Variants in BAZ1B observed in about 807,000 individuals in gnomAD.
BAZ1B encodes the protein tyrosine-protein kinase BAZ1B.
Under a neutral mutation model 153.8 loss-of-function variants are expected in BAZ1B, and 22 were observed. The observed-to-expected ratio is 0.14, with a 90% confidence interval of 0.10 to 0.20. BAZ1B has a LOEUF of 0.20. Ranked by LOEUF, BAZ1B falls within the 10% of genes least tolerant of loss-of-function variation. BAZ1B has a pLI of 1.00. For synonymous variants in BAZ1B, 676 were observed against 633.4 expected, an observed-to-expected ratio of 1.07 and a Z score of -1.01; for missense variants, 1,325 against 1,799.3, an observed-to-expected ratio of 0.74 and a Z score of 4.77.
At chr7:73,468,975 C>A (rs1323137405) in intron 9 of BAZ1B, among the ~76,000 whole-genome samples, 1 of 151,952 alleles carries the variant, frequency 6.6e-6, no homozygotes, top group African/African-American at 2.4e-5. Context: ...ACAAAAAATA[C>A]AAAAATTAGC....
In BAZ1B at chr7:73,504,721, G is replaced by A. The variant is rs1364989640; in HGVS notation, c.369+3606C>T. Among the ~76,000 whole-genome samples, 4 of 151,970 alleles carry A rather than the reference G, an allele frequency of 2.6e-5. No homozygotes were observed. In the East Asian group the frequency reaches 7.7e-4, roughly 29 times the overall value. On this transcript the variant is annotated intron_variant, in intron 3 of 19. Coordinates refer to ENST00000339594, the MANE Select transcript of BAZ1B (RefSeq NM_032408.4). Reference sequence around the variant, plus strand: ...TGAGTGTCTACAGTCCCAGCTACTCGGGAGGCTGAGGTGGGAGGACTGCTT... The same window carrying A: ...TGAGTGTCTACAGTCCCAGCTACTCAGGAGGCTGAGGTGGGAGGACTGCTT...
chr7:73,455,911 A>G (rs1179932397), intron 13 of BAZ1B, among the ~76,000 whole-genome samples: 1 of 152,254 alleles, frequency 6.6e-6, no homozygotes, highest in African/African-American at 2.4e-5. Context: ...GCACAGTATA[A>G]GTTTCCACTT....
intron 13 of BAZ1B, among the ~76,000 whole-genome samples, chr7:73,458,286 T>A (rs1414185689): frequency 6.6e-6 from 1 of 152,176 alleles, no homozygotes. Context: ...ATGTATTTGG[T>A]GTCAGAAGTG....
chr7:73,516,508 G>A (rs1554579305), intron 1 of BAZ1B, among the ~76,000 whole-genome samples: 1 of 151,998 alleles, frequency 6.6e-6, no homozygotes, highest in Non-Finnish European at 1.5e-5. Flanking sequence ...TCTGGGGCCA[G>A]GCGCGGTGGC....
intron 2 of BAZ1B, among the ~76,000 whole-genome samples, chr7:73,509,074 C>G (rs1790467877): frequency 6.6e-6 from 1 of 151,806 alleles, no homozygotes; most frequent in Admixed American, 6.6e-5. Context: ...GTAATCCTAG[C>G]ACTTTGGGAG....
Position 73,447,371 on chromosome 7 carries a change from G to A in BAZ1B, c.3737C>T (p.Thr1246Ile). The A allele has an allele frequency of 1.2e-6, 2 of 1,612,442 alleles. No individual in the cohort carries two copies. Among genetic ancestry groups the A allele is most frequent in the Non-Finnish European group, 1.7e-6 (2 of 1,179,132 alleles). ...ACTGTCCTCAGAAGCAGACTCTTCA[G>A]TATAGTTCCTGTGGGTAGAAAAAAT... Reference protein sequence around the residue: ...ARRNSRGRNYTEESASEDSED... With the variant: ...ARRNSRGRNYIEESASEDSED... Residue 1246 changes from threonine to isoleucine, a missense_variant, in exon 16 of 20, where the codon ACT becomes ATT. Coordinates refer to ENST00000339594, the MANE Select transcript of BAZ1B (RefSeq NM_032408.4).
rs1788316489 is a variant in BAZ1B, at chr7:73,459,400, A to C, written c.3432+136T>G. ...GGGTAGAAAGTGATTAAAAAAAAAA[A>C]AAACACACACACACACAAAAACACT... On this transcript the variant is annotated intron_variant, in intron 13 of 19. Coordinates refer to ENST00000339594, the MANE Select transcript of BAZ1B (RefSeq NM_032408.4). 3 of 895,712 alleles carry C rather than the reference A, an allele frequency of 3.3e-6. No homozygotes were observed. The East Asian group carries it at 7.7e-5, about 23-fold the overall frequency. 55.5% of individuals were successfully genotyped at this position (895,712 alleles called of 1,614,324 possible). A position where few individuals can be genotyped will look rare whatever the true frequency, so the allele number is the denominator to read the frequency against.
Position 73,477,532 on chromosome 7 carries a change from T to C in BAZ1B, c.1929A>G (p.Ala643=). 6.2e-7 allele frequency: 1 copy of C among 1,614,150 alleles called. No homozygotes were observed. The highest frequency in any genetic ancestry group is 1.1e-5 in the South Asian group (1 of 91,080). Reference sequence around the variant, plus strand: ...TAAGGTATAAAAAGCCACCCTTATCTGCACTCAAGGCTTCCATAAGGGACA... The same window carrying C: ...TAAGGTATAAAAAGCCACCCTTATCCGCACTCAAGGCTTCCATAAGGGACA... ...TAVSLMEALS[A]DKGGFLYLNR... is the part of the protein sequence containing the mutation. The change falls in exon 7 of 20, where the codon GCA becomes GCG. Residue 643 remains alanine, a synonymous_variant. Transcript: ENST00000339594. The surrounding 1 kb of genome is among the most constrained non-coding windows in gnomAD (Gnocchi z 5.6).
At chr7:73,521,668 G>A (rs962935674) in intron 1 of BAZ1B, among the ~76,000 whole-genome samples, 159 bp downstream of exon 1, 1 of 151,582 alleles carries the variant, frequency 6.6e-6, no homozygotes, top group African/African-American at 2.4e-5. Context: ...AAGGATCGGC[G>A]GGCGCAGGCT....
chr7:73,518,928 G>C (rs1357611318), intron 1 of BAZ1B, among the ~76,000 whole-genome samples: 3 of 152,064 alleles, frequency 2.0e-5, no homozygotes, highest in Non-Finnish European at 4.4e-5. Context: ...TCCAATTCCT[G>C]CCTAAAACCT....
intron 6 of BAZ1B, among the ~76,000 whole-genome samples, chr7:73,486,774 C>A (rs1168496199): frequency 1.3e-5 from 2 of 152,090 alleles, no homozygotes; most frequent in Non-Finnish European, 2.9e-5. Context: ...ATGGATGGGT[C>A]CTATGTGATC....
Position 73,478,478 on chromosome 7 carries a change from AGAG to A in BAZ1B, c.980_982del (p.Ser327_Leu328delinsPhe), listed in dbSNP as rs781834111. 5 of 1,610,280 alleles carry A rather than the reference AGAG, an allele frequency of 3.1e-6. No homozygotes were observed. The highest frequency in any genetic ancestry group is 1.7e-5 in the Admixed American group (1 of 59,168). On this transcript the variant is annotated inframe_deletion, in exon 7 of 20. Transcript: ENST00000339594. Reference sequence around the variant, plus strand: ...TAACTTAGGATTTAGTGGTGAACTAAGAGAAGAGTTGTCTGTCTTGGATTTCTT... The same window carrying A: ...TAACTTAGGATTTAGTGGTGAACTAAAAGAGTTGTCTGTCTTGGATTTCTT...
chr7:73,454,197 G>A (rs1788114782), intron 13 of BAZ1B, among the ~76,000 whole-genome samples: 6 of 152,018 alleles, frequency 3.9e-5, no homozygotes, highest in African/African-American at 1.4e-4. Flanking sequence ...ATGGTAGCAG[G>A]CACCTGTAGT....
chr7:73,498,461 T>A, intron 4 of BAZ1B, 36 bp downstream of exon 4: 5 of 1,577,660 alleles, frequency 3.2e-6, no homozygotes, highest in Middle Eastern at 3.5e-4. Context: ...AAACAGGATC[T>A]CATAAAACAC....
chr7:73,495,836 A>C (rs1247209535), intron 4 of BAZ1B, among the ~76,000 whole-genome samples: 1 of 152,208 alleles, frequency 6.6e-6, no homozygotes. Context: ...TGATGAGAAC[A>C]CATGGACACA....
chr7:73,485,051 C>A (rs1293807264), intron 6 of BAZ1B, among the ~76,000 whole-genome samples: 1 of 152,058 alleles, frequency 6.6e-6, no homozygotes, highest in Non-Finnish European at 1.5e-5. Flanking sequence ...ATGTTAACTT[C>A]CTGATTTTGA....
intron 5 of BAZ1B, among the ~76,000 whole-genome samples, chr7:73,492,079 G>C (rs1554575627): frequency 7.4e-6 from 1 of 135,364 alleles, no homozygotes; most frequent in Admixed American, 8.5e-5. Context: ...TGCAACCTCC[G>C]CCTCCCAGGT....
chr7:73,442,644 G>A, intron 18 of BAZ1B, 81 bp downstream of exon 18: 2 of 1,544,654 alleles, frequency 1.3e-6, no homozygotes, highest in Non-Finnish European at 8.8e-7. Flanking sequence ...GGGCTTGGCT[G>A]AGAGCCCCTC....
At chr7:73,500,339 A>G (rs976091735) in intron 3 of BAZ1B, among the ~76,000 whole-genome samples, 19 of 151,814 alleles carry the variant, frequency 1.3e-4, no homozygotes, top group Non-Finnish European at 2.6e-4. Flanking sequence ...GGAGTTCAAG[A>G]CCAGCCTGGG....
Sources: gnomAD v4.1 joint callset for allele counts (sites outside exome capture counted in the v4.1 genomes callset) on GRCh38, gnomAD v4.1.1 for gene constraint, Gnocchi (gnomAD v3.1) non-coding constraint, MANE v1.5 for transcripts, NCBI Gene and HGNC (gene_info 2026-07-23, HGNC 2026-07-21) for gene names.